HADHB: variants seen among roughly 807,000 people sequenced by gnomAD.
HADHB encodes the protein trifunctional enzyme subunit beta, mitochondrial.
HADHB carries 50 observed loss-of-function variants against 61.9 expected under a neutral mutation model. The observed-to-expected ratio is 0.81, with a 90% confidence interval of 0.64 to 1.02. The LOEUF (loss-of-function observed/expected upper bound fraction) is 1.02, where lower values mean the gene tolerates loss of function less well. HADHB is among the 50% of genes least tolerant of loss of function. The pLI is 0.00. For missense variants in HADHB, 504 were observed against 586.5 expected (o/e 0.86, Z 1.45); for synonymous variants, 191 against 201.6 (o/e 0.95, Z 0.45).
chr2:26,272,764 C>A (rs1672397568), intron 5 of HADHB, among the ~76,000 whole-genome samples: 1 of 152,114 alleles, frequency 6.6e-6, no homozygotes, highest in Non-Finnish European at 1.5e-5. Context: ...AACCTTTTGT[C>A]CTTTTAATGG....
At chr2:26,265,429 C>G (rs1428314219) in intron 4 of HADHB, among the ~76,000 whole-genome samples, 2 of 152,144 alleles carry the variant, frequency 1.3e-5, no homozygotes, top group African/African-American at 2.4e-5. Flanking sequence ...AACCCCATCT[C>G]TACTAAAAAT....
At chr2:26,270,418 G>T (rs546541694) in intron 5 of HADHB, among the ~76,000 whole-genome samples, 2 of 152,344 alleles carry the variant, frequency 1.3e-5, no homozygotes, top group East Asian at 3.9e-4. Context: ...CATTAAATGT[G>T]TTGCTGTTTC....
At chr2:26,261,220 C>CT (rs1553319438) in intron 3 of HADHB, 1 of 474,516 alleles carries the variant, frequency 2.1e-6, no homozygotes, top group Non-Finnish European at 3.7e-6. Context: ...ATACCCCCCC[C>CT]CCATCCAGAC....
chr2:26,246,705 A>G (rs906686243), intron 1 of HADHB, among the ~76,000 whole-genome samples: 2 of 152,128 alleles, frequency 1.3e-5, no homozygotes, highest in Non-Finnish European at 2.9e-5. Context: ...TAGTTTGCCA[A>G]TCCCTGATTT....
At chr2:26,283,209 G>A (rs1357749124) in intron 12 of HADHB, among the ~76,000 whole-genome samples, 158 bp downstream of exon 12, 1 of 152,086 alleles carries the variant, frequency 6.6e-6, no homozygotes, top group Admixed American at 6.6e-5. Context: ...ATTGGTTTAT[G>A]TGGTGGTTTT....
In HADHB at chr2:26,284,869, AT is replaced by A; in HGVS notation, c.1150-10del. 2 of 1,421,550 alleles carry A rather than the reference AT, an allele frequency of 1.4e-6. No homozygotes were observed. The highest frequency in any genetic ancestry group is 2.0e-6 in the Non-Finnish European group (2 of 1,004,386). 88.1% of individuals were successfully genotyped at this position (1,421,550 alleles called of 1,614,324 possible). ...TGAATAACGAGGTTCTTATTCGATT[AT>A]TTTCTCTTCCAGGGTCAGATTTTGG... is the stretch of plus-strand genomic sequence containing the variant. On this transcript the variant is annotated splice_polypyrimidine_tract_variant and intron_variant, in intron 13 of 15. Transcript: ENST00000317799.
chr2:26,284,145 GA>G lies in HADHB; in HGVS notation c.1094del (p.Lys365ArgfsTer4). On this transcript the variant is annotated frameshift_variant, in exon 13 of 16. Transcript: ENST00000317799. LOFTEE classifies it high-confidence loss of function. ...AACATATGCTACTCCAAAAGTTCTA[GA>G]AAAGGCAGGATTGACCATGAATGAT... ...GPTYATPKVL[E>X]KAGLTMNDID... The G allele has an allele frequency of 6.2e-7, 1 of 1,600,684 alleles. No homozygotes were observed. Among genetic ancestry groups the G allele is most frequent in the Non-Finnish European group, 8.6e-7 (1 of 1,167,936 alleles).
At chr2:26,268,178 C>T (rs1395328877) in intron 4 of HADHB, among the ~76,000 whole-genome samples, 1 of 151,882 alleles carries the variant, frequency 6.6e-6, no homozygotes, top group Non-Finnish European at 1.5e-5. Flanking sequence ...GAAAAATAAC[C>T]ATTAGAATAC....
chr2:26,285,739 GT>G lies in HADHB; in HGVS notation c.1389+186del, dbSNP rs766742523. On this transcript the variant is annotated intron_variant, in intron 15 of 15. Coordinates refer to ENST00000317799, the MANE Select transcript of HADHB (RefSeq NM_000183.3). ...TCTGATAAAACTTTTTGTTTTTTGG[GT>G]TTTTTTTTTTTTTTTTTGAGACAGT... is the stretch of plus-strand genomic sequence containing the variant. 8.0e-4 allele frequency among the ~76,000 whole-genome samples: 52 copies of G among 65,096 alleles called. 3 individuals carry two copies. Among genetic ancestry groups the G allele is most frequent in the East Asian group, 2.8e-3 (12 of 4,300 alleles). 42.7% of individuals were successfully genotyped at this position (65,096 alleles called of 152,430 possible).
rs547250295 is a variant in HADHB at position 26,284,281 on chromosome 2, G to T, written c.1149+77G>T. 74 of 851,722 alleles carry T rather than the reference G, an allele frequency of 8.7e-5. 3 individuals carry two copies. In the South Asian group the frequency reaches 9.7e-4, roughly 11 times the overall value. The allele number at this position is 851,722 out of a possible 1,614,324, so 52.8% of individuals were successfully genotyped here. On this transcript the variant is annotated intron_variant, in intron 13 of 15. Coordinates refer to ENST00000317799, the MANE Select transcript of HADHB (RefSeq NM_000183.3). The stretch of plus-strand genomic sequence containing the variant: ...ATCCATATTTGTGGGAGAGAGCAAG[G>T]CATGGTTTATGATGTGAGTAGAGCA...
At chr2:26,288,593 C>T (rs1034948176) in intron 15 of HADHB, among the ~76,000 whole-genome samples, 2 of 151,886 alleles carry the variant, frequency 1.3e-5, no homozygotes, top group African/African-American at 4.8e-5. Flanking sequence ...CCTGTAGTCC[C>T]AGCTACTCGG....
chr2:26,256,793 T>C (rs1281791226), intron 3 of HADHB, among the ~76,000 whole-genome samples: 2 of 152,202 alleles, frequency 1.3e-5, no homozygotes, highest in African/African-American at 4.8e-5. Context: ...TCATTACTGC[T>C]GTGTGCCCAG....
intron 12 of HADHB, 63 bp from the exon 13 acceptor site, chr2:26,284,054 A>C (rs1225389337): frequency 1.1e-6 from 1 of 880,418 alleles, no homozygotes; most frequent in East Asian, 2.4e-5. Context: ...AGTTTGGGGA[A>C]TATGAAGGAG....
chr2:26,249,482 G>A (rs1313171971), intron 1 of HADHB, among the ~76,000 whole-genome samples: 1 of 152,096 alleles, frequency 6.6e-6, no homozygotes. Context: ...CTGTACTCCA[G>A]CCTGGGCGAC....
chr2:26,253,905 A>T (rs191590639), intron 1 of HADHB, among the ~76,000 whole-genome samples: 20 of 108,660 alleles, frequency 1.8e-4, no homozygotes, highest in Non-Finnish European at 3.5e-4. Flanking sequence ...AATAAATAAA[A>T]ATTCCAGCTC....
rs552829142 is a variant in HADHB at position 26,273,239 on chromosome 2, AT to A, written c.255-411del. On this transcript the variant is annotated intron_variant, in intron 5 of 15. Transcript: ENST00000317799. ...CTGATATTTCAAACTAAAATTTAAC[AT>A]ACCCAGGACTTCTTTTTTTTTAATT... is the stretch of plus-strand genomic sequence containing the variant. Among the ~76,000 whole-genome samples the A allele has an allele frequency of 2.5e-3, 385 of 152,284 alleles. 3 individuals carry two copies. The highest frequency in any genetic ancestry group is 8.9e-3 in the African/African-American group (370 of 41,544).
chr2:26,274,132 T>A (rs969017584), intron 6 of HADHB, among the ~76,000 whole-genome samples: 2 of 152,258 alleles, frequency 1.3e-5, no homozygotes, highest in Non-Finnish European at 2.9e-5. Flanking sequence ...ATTTCATAAC[T>A]TGACTTTTGT....
Position 26,251,276 on chromosome 2 carries a change from C to T in HADHB, c.-8-2971C>T, listed in dbSNP as rs574510825. Among the ~76,000 whole-genome samples, 25 of 152,124 alleles carry T rather than the reference C, an allele frequency of 1.6e-4. 1 individual carries two copies. In the South Asian group the frequency reaches 5.2e-3, roughly 32 times the overall value. On this transcript the variant is annotated intron_variant, in intron 1 of 15. Coordinates refer to ENST00000317799, the MANE Select transcript of HADHB (RefSeq NM_000183.3). ...GATCATGGCTCACTGCAGCCTCGAACTCCTGGCTCGGGTGCTCCTCCCACC... is the reference window on the plus strand; with the variant it reads ...GATCATGGCTCACTGCAGCCTCGAATTCCTGGCTCGGGTGCTCCTCCCACC...
chr2:26,249,546 G>C (rs570317318), intron 1 of HADHB, among the ~76,000 whole-genome samples: 1 of 152,000 alleles, frequency 6.6e-6, no homozygotes, highest in African/African-American at 2.4e-5. Flanking sequence ...AGATTTATTG[G>C]CTCACAGAAC....
Sources: allele counts gnomAD v4.1 joint callset (sites outside exome capture counted in the v4.1 genomes callset), GRCh38; gene constraint gnomAD v4.1.1; transcripts MANE v1.5; gene names NCBI Gene and HGNC (gene_info 2026-07-23, HGNC 2026-07-21).